COG6: variants seen among roughly 807,000 people sequenced by gnomAD.
COG6 encodes the protein component of oligomeric golgi complex 6.
A neutral mutation model predicts 88.8 loss-of-function variants in COG6; 74 were observed. That is an observed-to-expected ratio of 0.83 (90% CI 0.69 to 1.01). The LOEUF (loss-of-function observed/expected upper bound fraction) is 1.01, where lower values mean the gene tolerates loss of function less well. COG6 is among the 50% of genes least tolerant of loss of function. The pLI is 0.00. For synonymous variants in COG6, 286 were observed against 278.7 expected, an observed-to-expected ratio of 1.03 and a Z score of -0.26; for missense variants, 800 against 797.9, an observed-to-expected ratio of 1.00 and a Z score of -0.03.
chr13:39,679,444 A>C (rs1876174551), intron 5 of COG6, 94 bp from the exon 6 acceptor site: 2 of 763,260 alleles, frequency 2.6e-6, no homozygotes, highest in Non-Finnish European at 4.8e-6. Context: ...AAATAGGTGA[A>C]AGAGTTTGTT....
At chr13:39,766,870 C>T (rs1439823113) in intron 18 of COG6, among the ~76,000 whole-genome samples, 1 of 152,130 alleles carries the variant, frequency 6.6e-6, no homozygotes, top group Non-Finnish European at 1.5e-5. Context: ...GAAGAATCAA[C>T]AGAGTATTTA....
chr13:39,741,244 A>G (rs571347183), intron 18 of COG6, among the ~76,000 whole-genome samples: 2 of 152,306 alleles, frequency 1.3e-5, no homozygotes, highest in South Asian at 4.2e-4. Flanking sequence ...ACAAAGCTGG[A>G]TAGAGAATGA....
chr13:39,680,454 G>T (rs74821557), intron 7 of COG6, among the ~76,000 whole-genome samples: 2 of 152,128 alleles, frequency 1.3e-5, no homozygotes, highest in Admixed American at 6.5e-5. Flanking sequence ...TGCTGTTGCT[G>T]TAACAAATTA....
Position 39,751,758 on chromosome 13 carries a change from GAA to G in COG6, c.*668_*669del, listed in dbSNP as rs1880645961. The G allele has an allele frequency of 7.8e-7, 1 of 1,286,972 alleles. No individual in the cohort carries two copies. Among genetic ancestry groups the G allele is most frequent in the Admixed American group, 2.3e-5 (1 of 43,526 alleles). The allele number at this position is 1,286,972 out of a possible 1,614,324, so 79.7% of individuals were successfully genotyped here. A position where few individuals can be genotyped will look rare whatever the true frequency, so the allele number is the denominator to read the frequency against. ...GCAATAATTAGAAAAAAAGGAGAGA[GAA>G]AAGTGATTTAAACAGGGTGGATTCC... is the stretch of plus-strand genomic sequence containing the variant. On this transcript the variant is annotated 3_prime_UTR_variant, in exon 19 of 19. Coordinates refer to ENST00000455146, the MANE Select transcript of COG6 (RefSeq NM_020751.3).
chr13:39,657,862 C>T (rs1203500783), intron 1 of COG6, among the ~76,000 whole-genome samples: 7 of 152,128 alleles, frequency 4.6e-5, no homozygotes, highest in Non-Finnish European at 1.5e-5. Flanking sequence ...ATTTATAACT[C>T]TGTTTCTGAC....
chr13:39,663,348 G>A (rs1330805277), intron 3 of COG6, among the ~76,000 whole-genome samples: 3 of 152,028 alleles, frequency 2.0e-5, no homozygotes, highest in East Asian at 1.9e-4. Flanking sequence ...CCTCAATAAC[G>A]ACTAGCCTAA....
chr13:39,708,365 A>G (rs1453870879), intron 13 of COG6, among the ~76,000 whole-genome samples: 1 of 152,214 alleles, frequency 6.6e-6, no homozygotes, highest in Non-Finnish European at 1.5e-5. Context: ...TATTAGATTA[A>G]CAGAAATTCT....
rs1878461288 is a variant in COG6 at position 39,715,201 on chromosome 13, A to G, written c.1285-4035A>G. ...AACCACTTGTACACCAAAAGCTGTTAAAATTTAAAAAAAAATTTTTAAAGA... is the reference window on the plus strand; with the variant it reads ...AACCACTTGTACACCAAAAGCTGTTGAAATTTAAAAAAAAATTTTTAAAGA... On this transcript the variant is annotated intron_variant, in intron 13 of 18. Coordinates refer to ENST00000455146, the MANE Select transcript of COG6 (RefSeq NM_020751.3). Among the ~76,000 whole-genome samples the G allele has an allele frequency of 2.6e-5, 4 of 152,040 alleles. No individual in the cohort carries two copies. In the South Asian group the frequency reaches 8.3e-4, roughly 32 times the overall value.
At chr13:39,761,245 T>G (rs1881001078) in intron 18 of COG6, among the ~76,000 whole-genome samples, 1 of 152,020 alleles carries the variant, frequency 6.6e-6, no homozygotes, top group Non-Finnish European at 1.5e-5. Context: ...CCTAAGAAAT[T>G]TATAGTTCTT....
At chr13:39,698,855 T>C (rs1877418175) in intron 12 of COG6, among the ~76,000 whole-genome samples, 1 of 151,818 alleles carries the variant, frequency 6.6e-6, no homozygotes, top group East Asian at 1.9e-4. Flanking sequence ...TACATACTTG[T>C]CTTAGATCTT....
Position 39,727,256 on chromosome 13 carries a change from A to C in COG6, c.1747-213A>C, listed in dbSNP as rs540725278. Among the ~76,000 whole-genome samples, 4 of 152,238 alleles carry C rather than the reference A, an allele frequency of 2.6e-5. No homozygotes were observed. The South Asian group carries it at 8.3e-4, about 32-fold the overall frequency. ...GTTTGGATTCAGGATTTTGAAAGTA[A>C]GTATTGCTAATATTGACTATATTAC... On this transcript the variant is annotated intron_variant, in intron 17 of 18. Coordinates refer to ENST00000455146, the MANE Select transcript of COG6 (RefSeq NM_020751.3).
intron 18 of COG6, among the ~76,000 whole-genome samples, chr13:39,779,252 AG>A: frequency 1.1e-5 from 1 of 89,754 alleles, no homozygotes; most frequent in Non-Finnish European, 2.6e-5. Context: ...GCTTTCAGTA[AG>A]ATTAGCAATG....
chr13:39,746,305 AG>A (rs1880348917), intron 18 of COG6, among the ~76,000 whole-genome samples: 1 of 152,058 alleles, frequency 6.6e-6, no homozygotes, highest in Non-Finnish European at 1.5e-5. Flanking sequence ...GAAAAGCAAG[AG>A]GACAGAAACA....
rs577728283 is a variant in COG6, at chr13:39,782,585, T to G, written c.1827-5750T>G. On this transcript the variant is annotated intron_variant, in intron 18 of 18. Transcript: ENST00000416691. ...TTGATGAGTAGAAAACCTCAATCTC[T>G]CCTCATTTTCATCCAGACTGAGGAT... Among the ~76,000 whole-genome samples, 26 of 152,254 alleles carry G rather than the reference T, an allele frequency of 1.7e-4. No individual in the cohort carries two copies. The South Asian group carries it at 5.2e-3, about 30-fold the overall frequency.
chr13:39,776,658 C>A (rs1881472596), intron 18 of COG6, among the ~76,000 whole-genome samples: 1 of 152,052 alleles, frequency 6.6e-6, no homozygotes, highest in East Asian at 1.9e-4. Context: ...TGAAAAAAGC[C>A]CACTAATTCA....
Position 39,682,215 on chromosome 13 carries a change from G to A in COG6, c.739G>A (p.Val247Ile), listed in dbSNP as rs140802175. The change falls in exon 8 of 19, where the codon GTA (valine) becomes ATA (isoleucine). Residue 247 changes from valine (V) to isoleucine (I), a missense_variant. Transcript: ENST00000455146. ...ACAAGAATCATGTGACGTATCTCCAGTATTGACACAGGCAATGGAAGCCCT... is the reference window on the plus strand; with the variant it reads ...ACAAGAATCATGTGACGTATCTCCAATATTGACACAGGCAATGGAAGCCCT... ...LTQESCDVSPVLTQAMEALQD... is the reference protein window; with the variant it reads ...LTQESCDVSPILTQAMEALQD... 2.6e-5 allele frequency: 42 copies of A among 1,612,872 alleles called. No homozygotes were observed. The highest frequency in any genetic ancestry group is 2.0e-4 in the Admixed American group (12 of 59,992).
chr13:39,698,120 A>T (rs1401960671), intron 12 of COG6, among the ~76,000 whole-genome samples: 1 of 152,026 alleles, frequency 6.6e-6, no homozygotes, highest in Admixed American at 6.6e-5. Context: ...TGAGTGTTCA[A>T]TAAACGTTAG....
At chr13:39,656,731 T>G (rs1377769283) in intron 1 of COG6, 2 of 400,318 alleles carry the variant, frequency 5.0e-6, no homozygotes, top group Non-Finnish European at 9.8e-6. Context: ...AATAAGAAAT[T>G]AGGGCTCTGG....
intron 4 of COG6, among the ~76,000 whole-genome samples, chr13:39,675,303 A>G (rs533815674): frequency 1.9e-4 from 29 of 152,300 alleles, no homozygotes; most frequent in East Asian, 7.7e-4. Flanking sequence ...TAGGCCTTAT[A>G]CATTGTGAGT....
Sources: allele counts gnomAD v4.1 joint callset (sites outside exome capture counted in the v4.1 genomes callset), GRCh38; gene constraint gnomAD v4.1.1; transcripts MANE v1.5; gene names NCBI Gene and HGNC (gene_info 2026-07-23, HGNC 2026-07-21).